Variants in PLB1 observed in about 807,000 individuals in gnomAD.
PLB1 encodes the protein phospholipase B1, membrane-associated.
In PLB1, 242 loss-of-function variants were observed where a neutral mutation model predicts 227.4. That is an observed-to-expected ratio of 1.06 (90% CI 0.96 to 1.18). The LOEUF is 1.18. Among genes scored for constraint, PLB1 ranks in the 50% most tolerant of loss-of-function variants. The pLI, the probability that PLB1 is intolerant of heterozygous loss-of-function variation, is 0.00. For missense variants in PLB1, 1,858 were observed against 1,816.3 expected, an observed-to-expected ratio of 1.02 and a Z score of -0.42; for synonymous variants, 757 against 682.2, an observed-to-expected ratio of 1.11 and a Z score of -1.71.
intron 17 of PLB1, among the ~76,000 whole-genome samples, chr2:28,559,472 T>C (rs568364744): frequency 6.6e-6 from 1 of 152,316 alleles, no homozygotes; most frequent in East Asian, 1.9e-4. Flanking sequence ...GAACTTTTAC[T>C]TTTCCAATGA....
At position 28,591,757 on chromosome 2, in the gene PLB1, T is replaced by C. The variant is rs1168770867; in HGVS notation, c.2185T>C (p.Ser729Pro). ...DRAPSALHPTSVHALRPADIQ... is the reference protein window; with the variant it reads ...DRAPSALHPTPVHALRPADIQ... ...AGCCCCTTCTGCCTTGCACCCTACC[T>C]CAGGTAAGCCCCCTATGGCACAGCA... Residue 729 changes from serine (S) to proline (P), a missense_variant, in exon 31 of 58, where the codon TCA (serine) becomes CCA (proline). Coordinates refer to ENST00000327757, the MANE Select transcript of PLB1 (RefSeq NM_153021.5). 3 of 1,613,782 alleles carry C rather than the reference T, an allele frequency of 1.9e-6. No individual in the cohort carries two copies.
At chr2:28,631,945 T>G in intron 54 of PLB1, 91 bp from the exon 55 acceptor site, 1 of 1,041,702 alleles carries the variant, frequency 9.6e-7, no homozygotes, top group Non-Finnish European at 1.5e-6. Context: ...GTGAGTTGAC[T>G]CCCGTCAACA....
chr2:28,518,618 G>T, intron 3 of PLB1, 86 bp downstream of exon 3: 1 of 985,626 alleles, frequency 1.0e-6, no homozygotes, highest in Non-Finnish European at 1.6e-6. Context: ...ATTCTTCTTG[G>T]ACCTGTTGCC....
chr2:28,614,226 T>C (rs1052097644), intron 44 of PLB1, 130 bp downstream of exon 44: 27 of 955,622 alleles, frequency 2.8e-5, no homozygotes, highest in Non-Finnish European at 4.5e-5. Flanking sequence ...GGGATTGGAA[T>C]GTACAGAAAA....
At chr2:28,635,136 TTTCAAAA>T (rs1408854840) in intron 56 of PLB1, among the ~76,000 whole-genome samples, 1 of 152,154 alleles carries the variant, frequency 6.6e-6, no homozygotes, top group Non-Finnish European at 1.5e-5. Flanking sequence ...ATACCCCGAA[TTTCAAAA>T]TAACAAAAAC....
chr2:28,555,837 T>C (rs1674988380), intron 17 of PLB1, among the ~76,000 whole-genome samples: 1 of 151,920 alleles, frequency 6.6e-6, no homozygotes, highest in South Asian at 2.1e-4. Context: ...ATAACTGTTT[T>C]GCATTTTGCC....
chr2:28,628,869 C>T (rs1469135514), intron 52 of PLB1, among the ~76,000 whole-genome samples: 2 of 152,316 alleles, frequency 1.3e-5, no homozygotes, highest in East Asian at 3.9e-4. Context: ...TTGCGCCCAG[C>T]ACTGTGGCTT....
intron 20 of PLB1, among the ~76,000 whole-genome samples, chr2:28,568,716 A>G (rs1317341351): frequency 6.6e-6 from 1 of 152,244 alleles, no homozygotes; most frequent in Non-Finnish European, 1.5e-5. Flanking sequence ...ATAGATGTGT[A>G]CAAAGCTTAG....
chr2:28,605,702 C>T, intron 41 of PLB1, 151 bp from the exon 42 acceptor site: 2 of 658,198 alleles, frequency 3.0e-6, no homozygotes, highest in East Asian at 5.0e-5. Context: ...TCTGATCTCT[C>T]TGTTAAGGTG....
chr2:28,555,840 A>G (rs1162970645), intron 17 of PLB1, among the ~76,000 whole-genome samples: 1 of 139,914 alleles, frequency 7.1e-6, no homozygotes, highest in African/African-American at 2.6e-5. Flanking sequence ...ACTGTTTTGC[A>G]TTTTGCCTTC....
chr2:28,575,247 A>G (rs1678734961), intron 21 of PLB1, among the ~76,000 whole-genome samples: 1 of 151,988 alleles, frequency 6.6e-6, no homozygotes, highest in African/African-American at 2.4e-5. Context: ...TTTAATTTGC[A>G]TTTCCCTGAC....
Position 28,642,909 on chromosome 2 carries a change from G to C in PLB1, c.4225G>C (p.Ala1409Pro), listed in dbSNP as rs576395527. The C allele has an allele frequency of 6.0e-5, 97 of 1,608,812 alleles. No homozygotes were observed. The Middle Eastern group carries it at 8.3e-4, about 14-fold the overall frequency. The change falls in exon 58 of 58, where the codon GCT becomes CCT. Residue 1409 changes from alanine (A) to proline (P), a missense_variant. Coordinates refer to ENST00000327757, the MANE Select transcript of PLB1 (RefSeq NM_153021.5). Reference sequence around the variant, plus strand: ...GAACAGCCGATTGCTCCCAGACCAGGCTGAAGAAGCCCCCGAGGTGCTCTA... The same window carrying C: ...GAACAGCCGATTGCTCCCAGACCAGCCTGAAGAAGCCCCCGAGGTGCTCTA... ...LRNSRLLPDQ[A>P]EEAPEVLYWA...
intron 33 of PLB1, chr2:28,594,977 C>G (rs773742731): frequency 3.3e-5 from 5 of 152,052 alleles, no homozygotes; most frequent in East Asian, 3.9e-4. Context: ...TGACCTCATA[C>G]GATAGCATGG....
intron 56 of PLB1, among the ~76,000 whole-genome samples, chr2:28,638,477 G>A (rs536435786): frequency 5.3e-5 from 8 of 152,200 alleles, no homozygotes; most frequent in African/African-American, 1.4e-4. Flanking sequence ...CCCTGGGTCC[G>A]TGTACCCTGG....
chr2:28,511,168 A>G (rs1668217297), intron 1 of PLB1, among the ~76,000 whole-genome samples: 1 of 152,214 alleles, frequency 6.6e-6, no homozygotes, highest in Non-Finnish European at 1.5e-5. Flanking sequence ...CTGCCCACAA[A>G]GCAATTTGTT....
intron 49 of PLB1, among the ~76,000 whole-genome samples, chr2:28,621,877 TTTG>T (rs140459748): frequency 0.25 from 37,361 of 152,014 alleles, 4,681 homozygotes; most frequent in East Asian, 0.34. Flanking sequence ...TCATCATCAT[TTTG>T]TTGTTCTTGT....
At chr2:28,619,519 G>GGTTT (rs1553459984) in intron 46 of PLB1, among the ~76,000 whole-genome samples, 2 of 124,610 alleles carry the variant, frequency 1.6e-5, no homozygotes, top group Non-Finnish European at 1.7e-5. Context: ...AAATTTCAAG[G>GGTTT]TTTTGTTTTT....
chr2:28,548,832 C>T (rs999989263), intron 14 of PLB1, 28 bp from the exon 15 acceptor site: 1 of 1,612,862 alleles, frequency 6.2e-7, no homozygotes, highest in Non-Finnish European at 8.5e-7. Context: ...CAAAACTTCC[C>T]TGTTCTAAAG....
At chr2:28,576,279 C>T (rs994967740) in intron 21 of PLB1, among the ~76,000 whole-genome samples, 3 of 152,194 alleles carry the variant, frequency 2.0e-5, no homozygotes, top group African/African-American at 7.2e-5. Context: ...CAGCCTTGTG[C>T]CCTGCAGGCT....
Sources: gnomAD v4.1 joint callset for allele counts (sites outside exome capture counted in the v4.1 genomes callset) on GRCh38, gnomAD v4.1.1 for gene constraint, MANE v1.5 for transcripts, NCBI Gene and HGNC (gene_info 2026-07-23, HGNC 2026-07-21) for gene names.